The following RNF216 variants were observed in gnomAD, a reference collection of about 807,000 sequenced individuals.
RNF216 encodes E3 ubiquitin-protein ligase RNF216.
A neutral mutation model predicts 110.8 loss-of-function variants in RNF216; 72 were observed. The observed-to-expected ratio is 0.65, with a 90% CI of 0.54 to 0.79. The LOEUF is 0.79. Among genes scored for constraint, RNF216 ranks in the 30% least tolerant of loss-of-function variants. RNF216 has a pLI of 0.00. For missense variants in RNF216, 1,342 were observed against 1,141.2 expected (o/e 1.18, Z -2.54); for synonymous variants, 495 against 407.5 (o/e 1.21, Z -2.59).
chr7:5,669,856 C>T (rs1436388549), intron 13 of RNF216, among the ~76,000 whole-genome samples: 6 of 152,148 alleles, frequency 3.9e-5, no homozygotes, highest in African/African-American at 1.4e-4. Context: ...CGCACCACTG[C>T]ACTCCAGCCT....
At chr7:5,688,429 T>G (rs1211300108) in intron 13 of RNF216, among the ~76,000 whole-genome samples, 1 of 152,234 alleles carries the variant, frequency 6.6e-6, no homozygotes, top group Non-Finnish European at 1.5e-5. Context: ...ATTTAAATGT[T>G]CGTATCTCTG....
At chr7:5,770,980 G>A (rs1411834741) in intron 1 of RNF216, among the ~76,000 whole-genome samples, 1 of 152,064 alleles carries the variant, frequency 6.6e-6, no homozygotes, top group African/African-American at 2.4e-5. Flanking sequence ...GCTAATTTTT[G>A]TATTGTTAGT....
intron 13 of RNF216, among the ~76,000 whole-genome samples, chr7:5,686,569 T>C (rs1393641823): frequency 6.6e-6 from 1 of 152,232 alleles, no homozygotes; most frequent in Non-Finnish European, 1.5e-5. Context: ...CACGCCAGTG[T>C]TCCTAAACTG....
chr7:5,747,179 C>T (rs1422672727), intron 3 of RNF216, among the ~76,000 whole-genome samples: 2 of 152,140 alleles, frequency 1.3e-5, no homozygotes, highest in Non-Finnish European at 2.9e-5. Context: ...GAAAATGTAG[C>T]ATGAAATTCC....
At chr7:5,706,790 G>GC (rs1792318852) in intron 13 of RNF216, among the ~76,000 whole-genome samples, 1 of 152,256 alleles carries the variant, frequency 6.6e-6, no homozygotes, top group African/African-American at 2.4e-5. Context: ...TCACTTGCCT[G>GC]TTTTTTGCTT....
chr7:5,726,435 T>C (rs1793757549), intron 7 of RNF216, among the ~76,000 whole-genome samples: 1 of 152,194 alleles, frequency 6.6e-6, no homozygotes, highest in Admixed American at 6.5e-5. Context: ...CACTCTTCTC[T>C]GTGTGCACCT....
chr7:5,740,909 A>G (rs1167059651), intron 4 of RNF216, 64 bp downstream of exon 4: 5 of 1,461,302 alleles, frequency 3.4e-6, no homozygotes, highest in African/African-American at 2.8e-5. Context: ...TTGCAATGAA[A>G]AAAAAAAAAG....
chr7:5,715,063 C>T lies in RNF216; in HGVS notation c.1823G>A (p.Gly608Glu). ...TTACACAGTTCTTACCTTTCCAGAT[C>T]CAAAGACTGCCTCTTGGGCATATCT... ...LIRYAQEAVF[G>E]SGKLELSCME... The change falls in exon 11 of 17, where the codon GGA becomes GAA. Residue 608 changes from glycine to glutamate, a missense_variant. Physicochemically the swap from Gly to Glu is moderately conservative, Grantham distance 98. Coordinates refer to ENST00000389902, the MANE Select transcript of RNF216 (RefSeq NM_207111.4). The T allele has an allele frequency of 6.2e-7, 1 of 1,613,032 alleles. No individual in the cohort carries two copies. Among genetic ancestry groups the T allele is most frequent in the Non-Finnish European group, 8.5e-7 (1 of 1,179,574 alleles).
At position 5,663,551 on chromosome 7, in the gene RNF216, T is replaced by C. The variant is rs1201480411; in HGVS notation, c.2062-11041A>G. On this transcript the variant is annotated intron_variant, in intron 13 of 16. Transcript: ENST00000389902. ...GTGAGCTGAGATTGCGCCACTGCAC[T>C]CCAGTCTGGGCGACACAGCGAGACT... is the stretch of plus-strand genomic sequence containing the variant. Among the ~76,000 whole-genome samples the C allele has an allele frequency of 4.8e-5, 6 of 125,188 alleles. No individual in the cohort carries two copies. The East Asian group carries it at 1.4e-3, about 30-fold the overall frequency. The allele number at this position is 125,188 out of a possible 152,430, so 82.1% of individuals were successfully genotyped here.
rs35905773 is a variant in RNF216 at position 5,663,586 on chromosome 7, G to GAAA, written c.2062-11079_2062-11077dup. Among the ~76,000 whole-genome samples the GAAA allele has an allele frequency of 6.6e-3, 532 of 80,072 alleles. 8 individuals carry two copies. The highest frequency in any genetic ancestry group is 0.025 in the African/African-American group (474 of 18,792). The allele number at this position is 80,072 out of a possible 152,430, so 52.5% of individuals were successfully genotyped here. A position where few individuals can be genotyped will look rare whatever the true frequency, so the allele number is the denominator to read the frequency against. On this transcript the variant is annotated intron_variant, in intron 13 of 16. Coordinates refer to ENST00000389902, the MANE Select transcript of RNF216 (RefSeq NM_207111.4). The stretch of plus-strand genomic sequence containing the variant: ...GCGACACAGCGAGACTCCACCTCAG[G>GAAA]AAAAAAAAAAAAAAAAAAAAAAGTT...
intron 7 of RNF216, 56 bp from the exon 8 acceptor site, chr7:5,725,494 A>G: frequency 2.0e-6 from 2 of 1,006,884 alleles, no homozygotes; most frequent in Non-Finnish European, 3.1e-6. Flanking sequence ...AGAATACACG[A>G]GACAGGCAAT....
In RNF216 at chr7:5,712,674, G is replaced by A. The variant is rs1225873031; in HGVS notation, c.1982+41C>T. The A allele has an allele frequency of 1.9e-6, 3 of 1,609,842 alleles. No individual in the cohort carries two copies. In the South Asian group the frequency reaches 3.3e-5, roughly 18 times the overall value. On this transcript the variant is annotated intron_variant, in intron 12 of 16. Coordinates refer to ENST00000389902, the MANE Select transcript of RNF216 (RefSeq NM_207111.4). ...AAGTGCCCAGGTAGTTTTCACAATG[G>A]GGAAGAGTTGGCAGATGGCACGCTC...
intron 1 of RNF216, chr7:5,777,426 T>A (rs1294142688): frequency 6.6e-6 from 1 of 152,176 alleles, no homozygotes; most frequent in African/African-American, 2.4e-5. Context: ...TCAACCTGGC[T>A]GCAATGTGTA....
chr7:5,748,576 TTTA>T (rs1344968666), intron 3 of RNF216, among the ~76,000 whole-genome samples: 2 of 151,632 alleles, frequency 1.3e-5, no homozygotes, highest in East Asian at 3.9e-4. Context: ...CTCAGCTTAC[TTTA>T]TTATAAGAAT....
At chr7:5,702,265 C>G (rs1214223085) in intron 13 of RNF216, among the ~76,000 whole-genome samples, 1 of 152,140 alleles carries the variant, frequency 6.6e-6, no homozygotes, top group Non-Finnish European at 1.5e-5. Context: ...CAGCTCCCAG[C>G]CTCCTCCAAG....
At chr7:5,736,267 G>A (rs1240083126) in intron 5 of RNF216, among the ~76,000 whole-genome samples, 3 of 151,926 alleles carry the variant, frequency 2.0e-5, no homozygotes, top group South Asian at 2.1e-4. Context: ...GCAGGTGCGC[G>A]CCGCCACGCC....
intron 13 of RNF216, among the ~76,000 whole-genome samples, chr7:5,685,990 A>C: frequency 6.6e-6 from 1 of 152,126 alleles, no homozygotes; most frequent in East Asian, 1.9e-4. Context: ...TGGGAGGCTG[A>C]GGCGGACGGA....
At chr7:5,720,661 G>A (rs1793362836) in intron 9 of RNF216, among the ~76,000 whole-genome samples, 1 of 151,920 alleles carries the variant, frequency 6.6e-6, no homozygotes, top group South Asian at 2.1e-4. Flanking sequence ...AGGGATCTCT[G>A]GGTCACACTT....
At chr7:5,729,304 C>T (rs1304172191) in intron 7 of RNF216, 128 bp downstream of exon 7, 1 of 834,650 alleles carries the variant, frequency 1.2e-6, no homozygotes, top group Non-Finnish European at 2.0e-6. Context: ...ATCTATTTAT[C>T]TTCACCCTAA....
Sources: gnomAD v4.1 joint callset for allele counts (sites outside exome capture counted in the v4.1 genomes callset) on GRCh38, gnomAD v4.1.1 for gene constraint, MANE v1.5 for transcripts, NCBI Gene and HGNC (gene_info 2026-07-23, HGNC 2026-07-21) for gene names.